SGCZ: variants seen among roughly 807,000 people sequenced by gnomAD.
SGCZ encodes the protein sarcoglycan zeta.
In SGCZ, 40 loss-of-function variants were observed where a neutral mutation model predicts 41.3. The observed-to-expected ratio is 0.97, with a 90% CI of 0.75 to 1.26. The LOEUF (loss-of-function observed/expected upper bound fraction) is 1.26, where lower values mean the gene tolerates loss of function less well. Ranked by LOEUF, SGCZ falls within the 50% of genes most tolerant of loss-of-function variation. The probability of loss-of-function intolerance (pLI) is 0.00; values close to 1 mark genes in which losing one functional copy is unlikely to be tolerated. For synonymous variants in SGCZ, 206 were observed against 137.5 expected, an observed-to-expected ratio of 1.50 and a Z score of -3.49; for missense variants, 552 against 369.8, an observed-to-expected ratio of 1.49 and a Z score of -4.04.
chr8:14,500,687 G>C (rs1410449367), intron 2 of SGCZ, among the ~76,000 whole-genome samples: 1 of 151,960 alleles, frequency 6.6e-6, no homozygotes, highest in Non-Finnish European at 1.5e-5. Flanking sequence ...AGTTGATAAT[G>C]TAAAATGTTG....
intron 1 of SGCZ, among the ~76,000 whole-genome samples, chr8:14,976,175 C>A (rs1339247478): frequency 6.6e-6 from 1 of 151,782 alleles, no homozygotes; most frequent in Non-Finnish European, 1.5e-5. Context: ...GCGCTCACCA[C>A]CACACCCGGC....
At chr8:14,588,701 T>C (rs1805144096) in intron 1 of SGCZ, among the ~76,000 whole-genome samples, 1 of 152,200 alleles carries the variant, frequency 6.6e-6, no homozygotes, top group African/African-American at 2.4e-5. Context: ...GTCATCTCTC[T>C]GAATTTTAAC....
At chr8:14,613,022 T>A (rs34049982) in intron 1 of SGCZ, among the ~76,000 whole-genome samples, 2,450 of 152,212 alleles carry the variant, frequency 0.016, 37 homozygotes, top group Non-Finnish European at 0.023. Flanking sequence ...AAAAGCCTCC[T>A]GGTCTGGGGA....
At chr8:14,238,375 A>T (rs1046908462) in intron 3 of SGCZ, among the ~76,000 whole-genome samples, 2 of 152,210 alleles carry the variant, frequency 1.3e-5, no homozygotes, top group Non-Finnish European at 2.9e-5. Flanking sequence ...TTCAGAGTAA[A>T]ATTGATACTA....
intron 2 of SGCZ, among the ~76,000 whole-genome samples, chr8:14,502,006 C>T (rs1484402380): frequency 5.3e-5 from 8 of 151,910 alleles, no homozygotes; most frequent in Admixed American, 4.6e-4. Flanking sequence ...TTGGGTACAA[C>T]CTTTTTTAAA....
At chr8:15,019,029 G>C (rs571575907) in intron 1 of SGCZ, among the ~76,000 whole-genome samples, 35 of 152,308 alleles carry the variant, frequency 2.3e-4, no homozygotes, top group Non-Finnish European at 4.1e-4. Context: ...TAAACAACTA[G>C]ATCTCATGAG....
At chr8:14,144,238 A>T (rs555654127) in intron 5 of SGCZ, among the ~76,000 whole-genome samples, 1 of 152,184 alleles carries the variant, frequency 6.6e-6, no homozygotes, top group Admixed American at 6.5e-5. Flanking sequence ...CCATCCTTCC[A>T]CTTAAAGAGA....
At chr8:14,780,890 A>G (rs1800568660) in intron 1 of SGCZ, among the ~76,000 whole-genome samples, 1 of 152,214 alleles carries the variant, frequency 6.6e-6, no homozygotes, top group Non-Finnish European at 1.5e-5. Context: ...AAACACTTAA[A>G]AAAAGCAAAT....
intron 2 of SGCZ, among the ~76,000 whole-genome samples, chr8:14,337,003 A>C (rs138111705): frequency 6.6e-4 from 101 of 152,248 alleles, no homozygotes; most frequent in African/African-American, 2.4e-3. Context: ...AGTGCTGTCC[A>C]TATGGCCATT....
At chr8:14,283,264 G>C (rs929737646) in intron 3 of SGCZ, among the ~76,000 whole-genome samples, 4 of 152,052 alleles carry the variant, frequency 2.6e-5, no homozygotes, top group African/African-American at 9.7e-5. Flanking sequence ...GCTGAGAATT[G>C]CTGGAAACGA....
chr8:15,195,397 C>T (rs1800690456), intron 1 of SGCZ, among the ~76,000 whole-genome samples: 1 of 152,182 alleles, frequency 6.6e-6, no homozygotes, highest in African/African-American at 2.4e-5. Context: ...ATGCTTGCTG[C>T]TGGCTCTGTT....
chr8:14,813,767 C>T (rs1480323017), intron 1 of SGCZ, among the ~76,000 whole-genome samples: 1 of 152,092 alleles, frequency 6.6e-6, no homozygotes, highest in African/African-American at 2.4e-5. Context: ...ACGTGGCCAA[C>T]ATGCAGAAAC....
chr8:14,188,045 G>A (rs1210727373), intron 4 of SGCZ, among the ~76,000 whole-genome samples: 1 of 151,980 alleles, frequency 6.6e-6, no homozygotes, highest in East Asian at 1.9e-4. Context: ...TATTCAAAGT[G>A]TTCAGATTTA....
chr8:15,137,449 G>C (rs1808154556), intron 1 of SGCZ, among the ~76,000 whole-genome samples: 1 of 152,194 alleles, frequency 6.6e-6, no homozygotes. Flanking sequence ...ATGTCTCCAA[G>C]GCATGTCGGG....
rs558783746 is a variant in SGCZ, at chr8:14,231,477, G to T, written c.424+6115C>A. Among the ~76,000 whole-genome samples the T allele has an allele frequency of 1.2e-3, 190 of 152,024 alleles. 2 individuals carry two copies. The Middle Eastern group carries it at 0.017, about 14-fold the overall frequency. On this transcript the variant is annotated intron_variant, in intron 4 of 7. Transcript: ENST00000382080. ...GAGATCTCACCTCAATTGACCAATG[G>T]CAAACACAGGTCCAATTATGCATAA... is the stretch of plus-strand genomic sequence containing the variant.
intron 2 of SGCZ, among the ~76,000 whole-genome samples, chr8:14,388,585 C>T (rs1039435092): frequency 6.6e-6 from 1 of 152,024 alleles, no homozygotes; most frequent in Non-Finnish European, 1.5e-5. Flanking sequence ...GGTACGAGAA[C>T]TTCAACCTGA....
At chr8:14,504,701 A>G (rs1219580600) in intron 2 of SGCZ, among the ~76,000 whole-genome samples, 1 of 152,132 alleles carries the variant, frequency 6.6e-6, no homozygotes, top group Non-Finnish European at 1.5e-5. Flanking sequence ...TCTTCAATAG[A>G]TATCTGTTCA....
chr8:14,737,112 A>C (rs1258910498), intron 1 of SGCZ, among the ~76,000 whole-genome samples: 1 of 142,120 alleles, frequency 7.0e-6, no homozygotes, highest in Non-Finnish European at 1.5e-5. Context: ...CCAGATACAT[A>C]AGATTTATAT....
chr8:15,127,348 G>A (rs1807742710), intron 1 of SGCZ, among the ~76,000 whole-genome samples: 1 of 152,112 alleles, frequency 6.6e-6, no homozygotes, highest in East Asian at 1.9e-4. Context: ...AGTGATATGA[G>A]ACAGCATTCA....
Sources: gnomAD v4.1 joint callset for allele counts (sites outside exome capture counted in the v4.1 genomes callset) on GRCh38, gnomAD v4.1.1 for gene constraint, MANE v1.5 for transcripts, NCBI Gene and HGNC (gene_info 2026-07-23, HGNC 2026-07-21) for gene names.